LRRC7: variants seen among roughly 807,000 people sequenced by gnomAD.
LRRC7 encodes the protein leucine-rich repeat-containing protein 7.
In LRRC7, 23 loss-of-function variants were observed where a neutral mutation model predicts 175.7. That is an observed-to-expected ratio of 0.13 (90% CI 0.09 to 0.19). The LOEUF (loss-of-function observed/expected upper bound fraction) is 0.19, where lower values mean the gene tolerates loss of function less well. Among genes scored for constraint, LRRC7 ranks in the 10% least tolerant of loss-of-function variants. The pLI, the probability that LRRC7 is intolerant of heterozygous loss-of-function variation, is 1.00. For missense variants in LRRC7, 1,354 were observed against 1,904.7 expected, an observed-to-expected ratio of 0.71 and a Z score of 5.38; for synonymous variants, 685 against 680.9, an observed-to-expected ratio of 1.01 and a Z score of -0.09.
At chr1:69,632,666 G>A (rs1489815542) in intron 1 of LRRC7, among the ~76,000 whole-genome samples, 1 of 152,064 alleles carries the variant, frequency 6.6e-6, no homozygotes, top group African/African-American at 2.4e-5. Flanking sequence ...GTGAGTGATT[G>A]AGTTAATGAG....
intron 7 of LRRC7, among the ~76,000 whole-genome samples, chr1:69,893,559 A>G: frequency 6.6e-6 from 1 of 152,320 alleles, no homozygotes; most frequent in Middle Eastern, 3.4e-3. Context: ...AATTTTTATT[A>G]TAAGTAGAAA....
In LRRC7 at chr1:69,692,742, C is replaced by T. The variant is rs139958409; in HGVS notation, c.100+14264C>T. ...CCTCTTGTGTGCTTGTAATACACAG[C>T]ATGTTGGATAATTTTGTATGTAAAC... On this transcript the variant is annotated intron_variant, in intron 2 of 26. Transcript: ENST00000651989. 1.9e-3 allele frequency among the ~76,000 whole-genome samples: 282 copies of T among 152,216 alleles called. 1 individual carries two copies. Among genetic ancestry groups the T allele is most frequent in the African/African-American group, 6.5e-3 (271 of 41,528 alleles).
intron 2 of LRRC7, among the ~76,000 whole-genome samples, chr1:69,749,272 A>G (rs984574988): frequency 6.6e-6 from 1 of 152,122 alleles, no homozygotes; most frequent in Non-Finnish European, 1.5e-5. Flanking sequence ...CTTAGTACAA[A>G]CCTTCTCTCA....
At position 69,678,445 on chromosome 1, in the gene LRRC7, C is replaced by T. The variant is rs867503147; in HGVS notation, c.67C>T (p.Arg23Cys). The T allele has an allele frequency of 2.5e-6, 4 of 1,604,872 alleles. No homozygotes were observed. In the Admixed American group the frequency reaches 5.1e-5, roughly 20 times the overall value. ...CCAGAGAAGTCCTTGTAAAGAGGTTCGTGCAGCACTTCGGAAGAGGCCTGA... is the reference window on the plus strand; with the variant it reads ...CCAGAGAAGTCCTTGTAAAGAGGTTTGTGCAGCACTTCGGAAGAGGCCTGA... ...QYQRSPCKEVRAALRKRPEEE... is the reference protein window; with the variant it reads ...QYQRSPCKEVCAALRKRPEEE... Residue 23 changes from arginine to cysteine, a missense_variant, in exon 2 of 27, where the codon CGT (arginine) becomes TGT (cysteine). By Grantham distance (180) the Arg-to-Cys change is radical. Coordinates refer to ENST00000651989, the MANE Select transcript of LRRC7 (RefSeq NM_001370785.2).
At position 70,134,073 on chromosome 1, in the gene LRRC7, C is replaced by G. The variant is rs992746064; in HGVS notation, c.*12186C>G. On this transcript the variant is annotated 3_prime_UTR_variant, in exon 27 of 27. Coordinates refer to ENST00000651989, the MANE Select transcript of LRRC7 (RefSeq NM_001370785.2). ...GCAATAACTAGGCATCTACAATAAA[C>G]GCCTAATTTTTCATTTTATTTATGT... Among the ~76,000 whole-genome samples, 1 of 152,140 alleles carries G rather than the reference C, an allele frequency of 6.6e-6. No individual in the cohort carries two copies. The highest frequency in any genetic ancestry group is 2.4e-5 in the African/African-American group (1 of 41,438).
At chr1:70,026,295 A>C (rs1015289246) in intron 17 of LRRC7, among the ~76,000 whole-genome samples, 20 of 152,138 alleles carry the variant, frequency 1.3e-4, no homozygotes, top group African/African-American at 4.8e-4. Flanking sequence ...TAAAAAATAA[A>C]ATGTTCTTAA....
chr1:70,028,613 T>C (rs1658377950), intron 18 of LRRC7, among the ~76,000 whole-genome samples: 1 of 152,120 alleles, frequency 6.6e-6, no homozygotes, highest in Admixed American at 6.6e-5. Context: ...AATAAGTTCG[T>C]CACCCAGCAA....
At chr1:70,104,384 G>A (rs1250929235) in intron 25 of LRRC7, among the ~76,000 whole-genome samples, 2 of 152,128 alleles carry the variant, frequency 1.3e-5, no homozygotes, top group Non-Finnish European at 2.9e-5. Context: ...ATGTTTATAT[G>A]CCTAAATACA....
intron 7 of LRRC7, among the ~76,000 whole-genome samples, chr1:69,877,788 C>G (rs763700199): frequency 3.3e-5 from 5 of 152,074 alleles, no homozygotes; most frequent in Non-Finnish European, 1.5e-5. Context: ...ATGTCTGGTT[C>G]CTTTCACTTA....
intron 7 of LRRC7, among the ~76,000 whole-genome samples, chr1:69,916,236 A>G (rs375089945): frequency 1.5e-5 from 2 of 129,222 alleles, no homozygotes; most frequent in African/African-American, 2.9e-5. Context: ...ATATAAATAT[A>G]TTTTATATAA....
intron 1 of LRRC7, among the ~76,000 whole-genome samples, chr1:69,650,267 G>A (rs1410951562): frequency 6.6e-6 from 1 of 151,904 alleles, no homozygotes; most frequent in African/African-American, 2.4e-5. Context: ...TCAGCCAGGC[G>A]CGGTGGCTCA....
intron 20 of LRRC7, 26 bp from the exon 21 acceptor site, chr1:70,038,087 A>G: frequency 1.3e-6 from 2 of 1,558,850 alleles, no homozygotes; most frequent in Non-Finnish European, 1.7e-6. Context: ...GTCCTTTTCA[A>G]TTTCTTCTTC....
chr1:69,661,758 G>A (rs1477088345), intron 1 of LRRC7, among the ~76,000 whole-genome samples: 1 of 152,074 alleles, frequency 6.6e-6, no homozygotes, highest in African/African-American at 2.4e-5. Context: ...ATTATAAAAT[G>A]AATGTCATTT....
chr1:69,749,466 T>C (rs1050791720), intron 2 of LRRC7, among the ~76,000 whole-genome samples: 1 of 152,176 alleles, frequency 6.6e-6, no homozygotes, highest in Non-Finnish European at 1.5e-5. Context: ...ACTCAAATTC[T>C]GTGGATTTTG....
intron 7 of LRRC7, among the ~76,000 whole-genome samples, chr1:69,849,111 T>C (rs1682694439): frequency 6.6e-6 from 1 of 152,066 alleles, no homozygotes; most frequent in Non-Finnish European, 1.5e-5. Flanking sequence ...TTAACAGCAA[T>C]CTTTTCTAGT....
At chr1:69,881,717 A>AT (rs1686617654) in intron 7 of LRRC7, among the ~76,000 whole-genome samples, 1 of 99,854 alleles carries the variant, frequency 1.0e-5, no homozygotes, top group Admixed American at 1.0e-4. Flanking sequence ...ATCTCTACAA[A>AT]AAAAAAAACA....
At chr1:69,890,333 G>A (rs1232483813) in intron 7 of LRRC7, among the ~76,000 whole-genome samples, 1 of 152,192 alleles carries the variant, frequency 6.6e-6, no homozygotes, top group Non-Finnish European at 1.5e-5. Flanking sequence ...GAGCTTTTGG[G>A]TGACTAGGTG....
chr1:69,836,027 T>A (rs1416319605), intron 6 of LRRC7, among the ~76,000 whole-genome samples: 1 of 152,020 alleles, frequency 6.6e-6, no homozygotes, highest in African/African-American at 2.4e-5. Flanking sequence ...AACTAGGACA[T>A]TTTTAAGTTT....
intron 4 of LRRC7, among the ~76,000 whole-genome samples, chr1:69,821,827 G>A (rs1679328646): frequency 6.6e-6 from 1 of 152,032 alleles, no homozygotes; most frequent in Non-Finnish European, 1.5e-5. Flanking sequence ...CCTGGGAGGT[G>A]GTGGTTGCAG....
Sources: gnomAD v4.1 joint callset for allele counts (sites outside exome capture counted in the v4.1 genomes callset) on GRCh38, gnomAD v4.1.1 for gene constraint, MANE v1.5 for transcripts, NCBI Gene and HGNC (gene_info 2026-07-23, HGNC 2026-07-21) for gene names.